SLC44A1: variants seen among roughly 807,000 people sequenced by gnomAD.
SLC44A1 encodes the protein choline transporter-like protein 1.
SLC44A1 carries 26 observed loss-of-function variants against 79.3 expected under a neutral mutation model. That is an observed-to-expected ratio of 0.33 (90% confidence interval 0.24 to 0.46). The LOEUF is 0.46. Among genes scored for constraint, SLC44A1 ranks in the 20% least tolerant of loss-of-function variants. SLC44A1 has a pLI of 1.00. For missense variants in SLC44A1, 688 were observed against 798.1 expected (o/e 0.86, Z 1.66); for synonymous variants, 263 against 286.2 (o/e 0.92, Z 0.82).
At position 105,391,834 on chromosome 9, in the gene SLC44A1, G is replaced by A; in HGVS notation, c.*2778G>A. The A allele has an allele frequency of 1.0e-6, 1 of 985,262 alleles. No individual in the cohort carries two copies. The highest frequency in any genetic ancestry group is 1.2e-6 in the Non-Finnish European group (1 of 829,856). The allele number at this position is 985,262 out of a possible 1,614,324, so 61.0% of individuals were successfully genotyped here. On this transcript the variant is annotated 3_prime_UTR_variant, in exon 16 of 16. Transcript: ENST00000374720. ...CATAAATCATTGATTCTATGTGGTG[G>A]TTTTTGTCTTCTTCTGTGGTGAATC...
chr9:105,349,025 G>T (rs1301008790), intron 5 of SLC44A1, among the ~76,000 whole-genome samples: 3 of 152,120 alleles, frequency 2.0e-5, no homozygotes, highest in Admixed American at 6.6e-5. Context: ...GATGAAACAA[G>T]AAATGTTCTT....
intron 1 of SLC44A1, among the ~76,000 whole-genome samples, chr9:105,291,535 C>T (rs1337019941): frequency 6.6e-6 from 1 of 152,170 alleles, no homozygotes; most frequent in Non-Finnish European, 1.5e-5. Flanking sequence ...GGTCGGCTAC[C>T]TCAGGAAGTG....
chr9:105,385,789 T>A (rs1588858051), intron 15 of SLC44A1: 4 of 985,390 alleles, frequency 4.1e-6, no homozygotes, highest in Non-Finnish European at 4.8e-6. Context: ...AAAACTGCTG[T>A]TGCTCTTGTT....
rs57226567 is a variant in SLC44A1 at position 105,392,403 on chromosome 9, C to CTTTTT, written c.*3370_*3374dup. On this transcript the variant is annotated 3_prime_UTR_variant, in exon 16 of 16. Transcript: ENST00000374720. ...GTAGAGATGCTCTCTCTCTCTCTCT[C>CTTTTT]TTTTTTTTTTTTTTTTTTTTTTTTT... The CTTTTT allele has an allele frequency of 2.9e-5, 18 of 610,878 alleles. No individual in the cohort carries two copies. The highest frequency in any genetic ancestry group is 2.4e-4 in the African/African-American group (6 of 24,868). 37.8% of individuals were successfully genotyped at this position (610,878 alleles called of 1,614,324 possible).
intron 15 of SLC44A1, among the ~76,000 whole-genome samples, chr9:105,430,197 T>G (rs16924617): frequency 0.076 from 11,633 of 152,314 alleles, 1,011 homozygotes; most frequent in African/African-American, 0.22. Context: ...CTGGCCTAAT[T>G]ATAGTTCTTA....
intron 13 of SLC44A1, among the ~76,000 whole-genome samples, chr9:105,380,097 T>C (rs1291667792): frequency 2.6e-5 from 4 of 152,302 alleles, no homozygotes; most frequent in Middle Eastern, 3.4e-3. Flanking sequence ...TTAAATACTT[T>C]TAGAATGCTT....
intron 15 of SLC44A1, among the ~76,000 whole-genome samples, chr9:105,429,428 G>A (rs952335452): frequency 4.1e-4 from 63 of 152,054 alleles, no homozygotes; most frequent in African/African-American, 1.3e-3. Flanking sequence ...TCAGCCTCCC[G>A]AGTAGCTGGG....
At chr9:105,418,150 T>TA (rs1206510601) in intron 15 of SLC44A1, among the ~76,000 whole-genome samples, 1 of 151,324 alleles carries the variant, frequency 6.6e-6, no homozygotes, top group East Asian at 1.9e-4. Flanking sequence ...CCATCTCTAC[T>TA]AAAAATACAA....
intron 15 of SLC44A1, among the ~76,000 whole-genome samples, chr9:105,411,551 CT>C (rs11390019): frequency 2.8e-4 from 40 of 143,878 alleles, no homozygotes; most frequent in African/African-American, 4.1e-4. Flanking sequence ...TGGAAAAAAG[CT>C]TTTTTTTTTT....
chr9:105,421,189 G>A (rs1383903766), intron 15 of SLC44A1, among the ~76,000 whole-genome samples: 2 of 152,188 alleles, frequency 1.3e-5, no homozygotes, highest in East Asian at 3.9e-4. Flanking sequence ...TGTGATAAAT[G>A]GAATGCATTA....
chr9:105,255,104 T>G (rs1227985618), intron 1 of SLC44A1, among the ~76,000 whole-genome samples: 3 of 151,002 alleles, frequency 2.0e-5, no homozygotes, highest in African/African-American at 2.4e-5. Flanking sequence ...TTTTTTTGTT[T>G]TTTTTTTTTT....
chr9:105,404,954 A>G (rs1392454263), intron 15 of SLC44A1, among the ~76,000 whole-genome samples: 2 of 152,218 alleles, frequency 1.3e-5, no homozygotes, highest in East Asian at 3.8e-4. Context: ...ATGAGTACCT[A>G]CTACGTGTTA....
At chr9:105,257,423 G>C (rs1350333828) in intron 1 of SLC44A1, among the ~76,000 whole-genome samples, 1 of 151,944 alleles carries the variant, frequency 6.6e-6, no homozygotes, top group Non-Finnish European at 1.5e-5. Flanking sequence ...ACGAGGTCTT[G>C]TCTCCCTATG....
intron 1 of SLC44A1, among the ~76,000 whole-genome samples, chr9:105,268,566 CG>C (rs2131225789): frequency 6.6e-6 from 1 of 152,042 alleles, no homozygotes; most frequent in African/African-American, 2.4e-5. Flanking sequence ...TGCAGTGGCG[CG>C]ATCTCTGCTC....
chr9:105,326,589 A>G (rs1163172130), intron 3 of SLC44A1, among the ~76,000 whole-genome samples: 2 of 152,070 alleles, frequency 1.3e-5, no homozygotes, highest in Non-Finnish European at 2.9e-5. Flanking sequence ...CTCTTTCGTC[A>G]TCTTGCTTTT....
At chr9:105,272,040 G>A (rs1830091315) in intron 1 of SLC44A1, among the ~76,000 whole-genome samples, 1 of 152,182 alleles carries the variant, frequency 6.6e-6, no homozygotes, top group Admixed American at 6.5e-5. Flanking sequence ...GCAAGAGTCT[G>A]TTTTTATTTT....
intron 9 of SLC44A1, among the ~76,000 whole-genome samples, chr9:105,364,048 C>T (rs1202921971): frequency 6.6e-6 from 1 of 152,162 alleles, no homozygotes; most frequent in African/African-American, 2.4e-5. Flanking sequence ...CATAGTTAGA[C>T]ACTCAGACTT....
intron 15 of SLC44A1, among the ~76,000 whole-genome samples, chr9:105,424,049 C>T (rs867767296): frequency 6.6e-6 from 1 of 152,100 alleles, no homozygotes; most frequent in African/African-American, 2.4e-5. Context: ...ATACATAAAA[C>T]ACATATGTAC....
chr9:105,421,692 A>G (rs937274774), intron 15 of SLC44A1, among the ~76,000 whole-genome samples: 1 of 147,620 alleles, frequency 6.8e-6, no homozygotes, highest in African/African-American at 2.5e-5. Context: ...GGTTCACGCC[A>G]TTCTCCTGCC....
Sources: allele counts gnomAD v4.1 joint callset (sites outside exome capture counted in the v4.1 genomes callset), GRCh38; gene constraint gnomAD v4.1.1; transcripts MANE v1.5; gene names NCBI Gene and HGNC (gene_info 2026-07-23, HGNC 2026-07-21).